The following LRP6 variants were observed in gnomAD, a reference collection of about 807,000 sequenced individuals.
LRP6 encodes LDL receptor related protein 6.
Under a neutral mutation model 184.1 loss-of-function variants are expected in LRP6, and 43 were observed. That is an observed-to-expected ratio of 0.23 (90% confidence interval 0.18 to 0.30). LRP6 has a LOEUF of 0.30. Among genes scored for constraint, LRP6 ranks in the 10% least tolerant of loss-of-function variants. The pLI, the probability that LRP6 is intolerant of heterozygous loss-of-function variation, is 1.00. For missense variants in LRP6, 1,571 were observed against 2,005.3 expected (o/e 0.78, Z 4.14); for synonymous variants, 719 against 684.9 (o/e 1.05, Z -0.78).
intron 3 of LRP6, among the ~76,000 whole-genome samples, chr12:12,199,064 G>A (rs924463252): frequency 6.6e-6 from 1 of 151,760 alleles, no homozygotes; most frequent in African/African-American, 2.4e-5. Context: ...TCAACAATTT[G>A]AGCAAAGTTA....
rs1949518179 is a variant in LRP6 at position 12,116,196 on chromosome 12, A to G, written c.*4930T>C. 2 of 152,242 alleles carry G rather than the reference A, an allele frequency of 1.3e-5. No homozygotes were observed. The highest frequency in any genetic ancestry group is 2.1e-4 in the South Asian group (1 of 4,832). 9.4% of individuals were successfully genotyped at this position (152,242 alleles called of 1,614,324 possible). ...TGAATAAGTGGACAAGGGCTGACCA[A>G]ATGTTGGCCATTATAACATAAATAC... is the stretch of plus-strand genomic sequence containing the variant. On this transcript the variant is annotated 3_prime_UTR_variant, in exon 23 of 23. Transcript: ENST00000261349.
chr12:12,179,451 C>T (rs1863288406), intron 7 of LRP6, among the ~76,000 whole-genome samples: 1 of 151,496 alleles, frequency 6.6e-6, no homozygotes, highest in South Asian at 2.1e-4. Flanking sequence ...GTTTTCCTAA[C>T]TTAGGACAGC....
In LRP6 at chr12:12,257,586, A is replaced by G. The variant is rs1344026389; in HGVS notation, c.55+9095T>C. ...ACAGAGCAAGACTCCCTCTCAAGGA[A>G]AAAAAAAAAAAAAAGTACTTGATAG... On this transcript the variant is annotated intron_variant, in intron 1 of 22. Transcript: ENST00000261349. 4.0e-4 allele frequency among the ~76,000 whole-genome samples: 57 copies of G among 141,934 alleles called. No individual in the cohort carries two copies. In the East Asian group the frequency reaches 7.9e-3, roughly 20 times the overall value. The allele number at this position is 141,934 out of a possible 152,430, so 93.1% of individuals were successfully genotyped here.
chr12:12,193,218 T>C (rs562924099), intron 3 of LRP6, among the ~76,000 whole-genome samples: 7 of 151,398 alleles, frequency 4.6e-5, no homozygotes, highest in African/African-American at 1.7e-4. Context: ...AAAATGAAAA[T>C]ACAAAATATG....
chr12:12,220,225 T>G (rs1295420610), intron 2 of LRP6, among the ~76,000 whole-genome samples: 1 of 151,554 alleles, frequency 6.6e-6, no homozygotes, highest in African/African-American at 2.4e-5. Context: ...GAAGCAGAGG[T>G]TGCAGTGAGC....
At chr12:12,230,514 T>C (rs989672779) in intron 2 of LRP6, among the ~76,000 whole-genome samples, 2 of 152,142 alleles carry the variant, frequency 1.3e-5, no homozygotes, top group Non-Finnish European at 2.9e-5. Context: ...CTATAAAAAC[T>C]AAGTGACCCA....
At chr12:12,194,490 T>C (rs1011262868) in intron 3 of LRP6, among the ~76,000 whole-genome samples, 17 of 152,126 alleles carry the variant, frequency 1.1e-4, no homozygotes, top group African/African-American at 4.1e-4. Flanking sequence ...AGTCACTTTC[T>C]TGCCTTTATA....
intron 2 of LRP6, among the ~76,000 whole-genome samples, chr12:12,219,368 G>T (rs1265331574): frequency 1.3e-5 from 2 of 152,172 alleles, no homozygotes; most frequent in African/African-American, 4.8e-5. Flanking sequence ...ACCACGCCTG[G>T]CTAATTTTTG....
chr12:12,136,053 G>A (rs1477998256), intron 16 of LRP6, among the ~76,000 whole-genome samples: 1 of 151,968 alleles, frequency 6.6e-6, no homozygotes, highest in African/African-American at 2.4e-5. Flanking sequence ...TGGGTGTGGT[G>A]GCATGCACCT....
rs974280149 is a variant in LRP6, at chr12:12,199,984, A to C, written c.647+3219T>G. ...CATCTCAAAAAAAAAAAAAAAAAAA[A>C]AAAAAAAAAAACACAAGGCTCTTCT... On this transcript the variant is annotated intron_variant, in intron 3 of 22. Transcript: ENST00000261349. Among the ~76,000 whole-genome samples, 10 of 148,752 alleles carry C rather than the reference A, an allele frequency of 6.7e-5. No individual in the cohort carries two copies. The South Asian group carries it at 1.1e-3, about 16-fold the overall frequency.
intron 16 of LRP6, among the ~76,000 whole-genome samples, chr12:12,136,595 C>G (rs112123540): frequency 4.6e-5 from 7 of 152,314 alleles, no homozygotes; most frequent in African/African-American, 1.4e-4. Context: ...AACTTGACAT[C>G]TGTCGTCACA....
Position 12,245,792 on chromosome 12 carries a change from T to C in LRP6, c.56-1137A>G, listed in dbSNP as rs147991970. Among the ~76,000 whole-genome samples the C allele has an allele frequency of 4.9e-3, 741 of 152,106 alleles. 5 individuals carry two copies. The highest frequency in any genetic ancestry group is 8.4e-3 in the Non-Finnish European group (569 of 67,968). ...TCCATGTTTTTTGGTTTTTATTAAATATCTATTCCAAGCTTCTGACATTTA... is the reference window on the plus strand; with the variant it reads ...TCCATGTTTTTTGGTTTTTATTAAACATCTATTCCAAGCTTCTGACATTTA... On this transcript the variant is annotated intron_variant, in intron 1 of 22. Transcript: ENST00000261349.
At chr12:12,141,881 C>T (rs1480282291) in intron 15 of LRP6, among the ~76,000 whole-genome samples, 1 of 152,138 alleles carries the variant, frequency 6.6e-6, no homozygotes, top group Non-Finnish European at 1.5e-5. Context: ...TGGCACTAGT[C>T]ACAGGTGGGT....
chr12:12,223,513 C>T (rs182474945), intron 2 of LRP6, among the ~76,000 whole-genome samples: 42 of 152,306 alleles, frequency 2.8e-4, no homozygotes, highest in Admixed American at 1.3e-3. Flanking sequence ...AATCTTTCAT[C>T]TTGAGGGTCA....
chr12:12,143,829 C>CT (rs1949965882), intron 15 of LRP6, among the ~76,000 whole-genome samples: 1 of 152,042 alleles, frequency 6.6e-6, no homozygotes, highest in Non-Finnish European at 1.5e-5. Flanking sequence ...ACATTTCTTT[C>CT]TTTTTTCTTA....
chr12:12,247,882 G>C (rs1056875716), intron 1 of LRP6, among the ~76,000 whole-genome samples: 2 of 152,078 alleles, frequency 1.3e-5, no homozygotes, highest in African/African-American at 2.4e-5. Context: ...CACTCACAGT[G>C]CTCAGGAATC....
At chr12:12,131,096 CATTTTTTTT>C (rs1470865590) in intron 18 of LRP6, among the ~76,000 whole-genome samples, 34 of 105,384 alleles carry the variant, frequency 3.2e-4, no homozygotes, top group African/African-American at 1.2e-3. Context: ...AATTTCCTAA[CATTTTTTTT>C]TTTTTTTTTT....
Position 12,183,981 on chromosome 12 carries a change from A to G in LRP6, c.975T>C (p.Asp325=), listed in dbSNP as rs773875943. 2.7e-5 allele frequency: 43 copies of G among 1,612,998 alleles called. No homozygotes were observed. The highest frequency in any genetic ancestry group is 3.1e-5 in the Non-Finnish European group (37 of 1,179,160). Residue 325 remains aspartate (D), a splice_region_variant and synonymous_variant, in exon 5 of 23, where the codon GAT becomes GAC. Coordinates refer to ENST00000261349, the MANE Select transcript of LRP6 (RefSeq NM_002336.3). ...TCATTTTGGATAATATCTTCTTACC[A>G]TCTTTGCAGGTTTTTCCATTCTCCA... ...KLLENGKTCK[D]GATELLLLAR...
At chr12:12,251,820 C>T (rs1459616931) in intron 1 of LRP6, among the ~76,000 whole-genome samples, 1 of 152,192 alleles carries the variant, frequency 6.6e-6, no homozygotes, top group African/African-American at 2.4e-5. Context: ...TATTCACACC[C>T]TTAAAAGGGT....
Sources: allele counts gnomAD v4.1 joint callset (sites outside exome capture counted in the v4.1 genomes callset), GRCh38; gene constraint gnomAD v4.1.1; transcripts MANE v1.5; gene names NCBI Gene and HGNC (gene_info 2026-07-23, HGNC 2026-07-21).